The following SMARCC2 variants were observed in gnomAD, a reference collection of about 807,000 sequenced individuals.
SMARCC2 encodes SWI/SNF related BAF chromatin remodeling complex subunit C2.
In SMARCC2, 15 loss-of-function variants were observed where a neutral mutation model predicts 151.3. That is an observed-to-expected ratio of 0.10 (90% CI 0.07 to 0.15). The LOEUF is 0.15. Ranked by LOEUF, SMARCC2 falls within the 10% of genes least tolerant of loss-of-function variation. The pLI, the probability that SMARCC2 is intolerant of heterozygous loss-of-function variation, is 1.00. For missense variants in SMARCC2, 1,031 were observed against 1,599.7 expected, an observed-to-expected ratio of 0.64 and a Z score of 6.06; for synonymous variants, 590 against 609.5, an observed-to-expected ratio of 0.97 and a Z score of 0.47.
Position 56,178,023 on chromosome 12 carries a change from T to C in SMARCC2, c.1381A>G (p.Ile461Val), listed in dbSNP as rs1383801859. 3 of 1,605,398 alleles carry C rather than the reference T, an allele frequency of 1.9e-6. No homozygotes were observed. The highest frequency in any genetic ancestry group is 2.6e-6 in the Non-Finnish European group (3 of 1,172,292). The change falls in exon 15 of 29, where the codon ATC (isoleucine) becomes GTC (valine). Residue 461 changes from isoleucine (I) to valine (V), a missense_variant and splice_region_variant. Around this residue, in one of 12 missense-constraint regions of SMARCC2, gnomAD observed 51 missense variants for 135.1 expected, o/e 0.38. Coordinates refer to ENST00000550164, the MANE Select transcript of SMARCC2 (RefSeq NM_001330288.2). The stretch of plus-strand genomic sequence containing the variant: ...AATCATGAGATGAGATTTCCTTACA[T>C]CTCTGGAGTCTTGGACTTGTTCTTG... ...NGKNKSKTPE[I>V]YLAYRNFMID...
rs747437581 is a variant in SMARCC2 at position 56,186,137 on chromosome 12, TAGAG to T, written c.317+14_317+17del. On this transcript the variant is annotated intron_variant, in intron 3 of 28. Coordinates refer to ENST00000550164, the MANE Select transcript of SMARCC2 (RefSeq NM_001330288.2). Reference sequence around the variant, plus strand: ...TCCTCTAAACTAAATATAAGAAGAATAGAGAGAATCATCTCACCATCCCTGGTCA... The same window carrying T: ...TCCTCTAAACTAAATATAAGAAGAATAGAATCATCTCACCATCCCTGGTCA... The T allele has an allele frequency of 2.0e-6, 3 of 1,526,450 alleles. No homozygotes were observed. Among genetic ancestry groups the T allele is most frequent in the South Asian group, 2.2e-5 (2 of 89,214 alleles). 94.6% of individuals were successfully genotyped at this position (1,526,450 alleles called of 1,614,324 possible).
Position 56,171,643 on chromosome 12 carries a change from C to T in SMARCC2, c.2185+36G>A, listed in dbSNP as rs1377513576. On this transcript the variant is annotated intron_variant, in intron 21 of 28. Transcript: ENST00000550164. This position sits in a 1 kb window ranked among gnomAD's most constrained non-coding sequence, Gnocchi z 4.2. ...GAGTAACTAGCCCTTCAAAAGCAAA[C>T]TAAGAAGGCCAGGTGGAACCACCCA... 2.0e-6 allele frequency: 3 copies of T among 1,523,388 alleles called. No individual in the cohort carries two copies. Among genetic ancestry groups the T allele is most frequent in the Non-Finnish European group, 2.6e-6 (3 of 1,137,934 alleles). 94.4% of individuals were successfully genotyped at this position (1,523,388 alleles called of 1,614,324 possible).
rs753726113 is a variant in SMARCC2, at chr12:56,181,812, G to C, written c.732C>G (p.Asp244Glu). Residue 244 changes from aspartate to glutamate, a missense_variant, in exon 9 of 29, where the codon GAC (aspartate) becomes GAG (glutamate). Transcript: ENST00000550164. The stretch of plus-strand genomic sequence containing the variant: ...TCATCCATTCATTGAAGGTGTCGGT[G>C]TCCAGGATCCACTTTGCATGAACCT... The part of the protein sequence containing the change: ...PRKVHAKWIL[D>E]TDTFNEWMNE... 2 of 1,614,084 alleles carry C rather than the reference G, an allele frequency of 1.2e-6. No homozygotes were observed. The highest frequency in any genetic ancestry group is 2.2e-5 in the South Asian group (2 of 91,080).
intron 2 of SMARCC2, chr12:56,186,522 G>A (rs1262582038): frequency 8.0e-6 from 3 of 377,202 alleles, no homozygotes; most frequent in South Asian, 2.5e-5. Flanking sequence ...GGCTAATTTT[G>A]TATTTTTAGT....
chr12:56,185,281 C>G, intron 3 of SMARCC2, 170 bp from the exon 4 acceptor site: 1 of 591,780 alleles, frequency 1.7e-6, no homozygotes, highest in Admixed American at 2.5e-5. Context: ...CAGGTTCAAG[C>G]AATTCTCCTG....
intron 11 of SMARCC2, 80 bp from the exon 12 acceptor site, chr12:56,179,136 T>C: frequency 1.6e-6 from 2 of 1,273,844 alleles, no homozygotes; most frequent in Non-Finnish European, 2.3e-6. Context: ...GACATCCTAC[T>C]TTCTCCAAAA....
chr12:56,166,730 C>T (rs1872838778), intron 26 of SMARCC2, among the ~76,000 whole-genome samples: 1 of 151,936 alleles, frequency 6.6e-6, no homozygotes, highest in African/African-American at 2.4e-5. Context: ...GCTGGGACCA[C>T]AGGCTCGCAC....
intron 16 of SMARCC2, among the ~76,000 whole-genome samples, chr12:56,174,071 T>C (rs927017703): frequency 6.6e-6 from 1 of 152,130 alleles, no homozygotes; most frequent in Non-Finnish European, 1.5e-5. Flanking sequence ...TGGGCCAATC[T>C]CTATATCTAC....
rs755860195 is a variant in SMARCC2, at chr12:56,169,705, G to C, written c.2549-10C>G. ...TCCTTCTCAGGATCGACTGGGCCAG[G>C]ACAAGGGTTGAGTTAGCCCCACAGC... On this transcript the variant is annotated splice_polypyrimidine_tract_variant and intron_variant, in intron 24 of 28. Coordinates refer to ENST00000550164, the MANE Select transcript of SMARCC2 (RefSeq NM_001330288.2). The C allele has an allele frequency of 1.9e-6, 3 of 1,614,042 alleles. No individual in the cohort carries two copies. Among genetic ancestry groups the C allele is most frequent in the East Asian group, 2.2e-5 (1 of 44,874 alleles).
chr12:56,184,939 G>A lies in SMARCC2; in HGVS notation c.400-3C>T, dbSNP rs892312049. The A allele has an allele frequency of 6.2e-7, 1 of 1,610,322 alleles. No homozygotes were observed. Among genetic ancestry groups the A allele is most frequent in the Non-Finnish European group, 8.5e-7 (1 of 1,176,614 alleles). On this transcript the variant is annotated splice_polypyrimidine_tract_variant and splice_region_variant and intron_variant, in intron 4 of 28. Coordinates refer to ENST00000550164, the MANE Select transcript of SMARCC2 (RefSeq NM_001330288.2). Reference sequence around the variant, plus strand: ...TTAGGTCGAGACAGGCAATTATTCTGTGGAGAGAAGAAATAGAATGAGATT... The same window carrying A: ...TTAGGTCGAGACAGGCAATTATTCTATGGAGAGAAGAAATAGAATGAGATT...
chr12:56,168,825 C>T (rs1042519392), intron 25 of SMARCC2, among the ~76,000 whole-genome samples: 1 of 151,958 alleles, frequency 6.6e-6, no homozygotes, highest in Non-Finnish European at 1.5e-5. Context: ...GCTAAAAATA[C>T]AAAAATTAAC....
intron 6 of SMARCC2, 95 bp downstream of exon 6, chr12:56,184,080 G>A: frequency 7.5e-6 from 8 of 1,073,732 alleles, no homozygotes; most frequent in South Asian, 1.3e-5. Flanking sequence ...AAGATTGAAA[G>A]AAGAGGAGGA....
At chr12:56,170,907 A>G (rs1873827408) in intron 22 of SMARCC2, among the ~76,000 whole-genome samples, 1 of 151,330 alleles carries the variant, frequency 6.6e-6, no homozygotes, top group Non-Finnish European at 1.5e-5. Flanking sequence ...TAATTTTTGT[A>G]TATTTAGTAG....
chr12:56,171,880 T>C lies in SMARCC2; in HGVS notation c.1984A>G (p.Thr662Ala). The C allele has an allele frequency of 6.2e-7, 1 of 1,614,056 alleles. No individual in the cohort carries two copies. The highest frequency in any genetic ancestry group is 8.5e-7 in the Non-Finnish European group (1 of 1,179,946). Residue 662 changes from threonine (T) to alanine (A), a missense_variant, in exon 21 of 29, where the codon ACA becomes GCA. Around this residue, in one of 12 missense-constraint regions of SMARCC2, gnomAD observed 51 missense variants for 137.9 expected, o/e 0.37. Coordinates refer to ENST00000550164, the MANE Select transcript of SMARCC2 (RefSeq NM_001330288.2). The surrounding 1 kb of genome is among the most constrained non-coding windows in gnomAD (Gnocchi z 4.2). ...NKVSEHVGSR[T>A]QDECILHFLR... ...AAATGCAAGATGCACTCGTCCTGTGTGCGGCTTCCCACATGCTCGGACACT... is the reference window on the plus strand; with the variant it reads ...AAATGCAAGATGCACTCGTCCTGTGCGCGGCTTCCCACATGCTCGGACACT...
At chr12:56,176,806 A>G (rs1875082321) in intron 15 of SMARCC2, among the ~76,000 whole-genome samples, 1 of 149,280 alleles carries the variant, frequency 6.7e-6, no homozygotes, top group Non-Finnish European at 1.5e-5. Context: ...ACGCCCGGCT[A>G]ATTTTTTTTG....
In SMARCC2 at chr12:56,163,576, T is replaced by C; in HGVS notation, c.*113A>G. 1.8e-6 allele frequency: 1 copy of C among 556,842 alleles called. No homozygotes were observed. The highest frequency in any genetic ancestry group is 3.1e-6 in the Non-Finnish European group (1 of 324,368). The allele number at this position is 556,842 out of a possible 1,614,324, so 34.5% of individuals were successfully genotyped here. A position where few individuals can be genotyped will look rare whatever the true frequency, so the allele number is the denominator to read the frequency against. On this transcript the variant is annotated 3_prime_UTR_variant, in exon 29 of 29. Transcript: ENST00000550164. ...TTTGGAGGGGCGGAAGGAGCTTTCC[T>C]TACGTAGTGATGAACTCTCCAGGCT...
intron 16 of SMARCC2, 33 bp from the exon 17 acceptor site, chr12:56,173,882 G>C (rs573552033): frequency 6.3e-7 from 1 of 1,589,318 alleles, no homozygotes; most frequent in Admixed American, 1.7e-5. Context: ...AGGGTCACAC[G>C]GATAGCCAGA....
intron 27 of SMARCC2, 27 bp downstream of exon 27, chr12:56,165,291 A>G (rs1303904945): frequency 6.8e-7 from 1 of 1,469,220 alleles, no homozygotes; most frequent in East Asian, 2.4e-5. Context: ...CCTCTAGCCA[A>G]CAAAAGTTCT....
intron 16 of SMARCC2, 30 bp from the exon 17 acceptor site, chr12:56,173,879 C>CA (rs776355637): frequency 5.3e-5 from 85 of 1,590,954 alleles, no homozygotes; most frequent in Non-Finnish European, 7.1e-5. Context: ...GACAGGGTCA[C>CA]ACGGATAGCC....
Sources: allele counts gnomAD v4.1 joint callset (sites outside exome capture counted in the v4.1 genomes callset), GRCh38; gene constraint gnomAD v4.1.1; regional missense constraint gnomAD v4.1.1; non-coding constraint Gnocchi (gnomAD v3.1); transcripts MANE v1.5; gene names NCBI Gene and HGNC (gene_info 2026-07-23, HGNC 2026-07-21).